The following CNTN4 variants were observed in gnomAD, a reference collection of about 807,000 sequenced individuals.
CNTN4 encodes contactin 4.
In CNTN4, 77 loss-of-function variants were observed where a neutral mutation model predicts 122.5. The observed-to-expected ratio is 0.63, with a 90% confidence interval of 0.52 to 0.76. The LOEUF (loss-of-function observed/expected upper bound fraction) is 0.76. CNTN4 is among the 30% of genes least tolerant of loss of function. CNTN4 has a pLI of 0.00. For synonymous variants in CNTN4, 512 were observed against 447.0 expected, an observed-to-expected ratio of 1.15 and a Z score of -1.83; for missense variants, 1,256 against 1,259.1, an observed-to-expected ratio of 1.00 and a Z score of 0.04.
intron 3 of CNTN4, among the ~76,000 whole-genome samples, chr3:2,344,085 C>A (rs952602524): frequency 3.6e-4 from 55 of 152,278 alleles, no homozygotes; most frequent in African/African-American, 1.2e-3. Flanking sequence ...GTCTTCCCCC[C>A]ATGGCCCAAA....
chr3:2,284,543 T>TTA (rs1235787311), intron 2 of CNTN4, among the ~76,000 whole-genome samples: 3 of 152,078 alleles, frequency 2.0e-5, no homozygotes, highest in Non-Finnish European at 4.4e-5. Context: ...AATCAAATTT[T>TTA]TATATAAAGT....
chr3:2,554,672 A>G (rs868691138), intron 3 of CNTN4, among the ~76,000 whole-genome samples: 1 of 152,312 alleles, frequency 6.6e-6, no homozygotes, highest in Middle Eastern at 3.4e-3. Flanking sequence ...TAGTATCACA[A>G]AAGCAGTCAT....
chr3:2,459,775 GC>G (rs1420499975), intron 3 of CNTN4, among the ~76,000 whole-genome samples: 1 of 152,224 alleles, frequency 6.6e-6, no homozygotes, highest in East Asian at 1.9e-4. Context: ...AGCTAAATAA[GC>G]CCAACCAATG....
intron 2 of CNTN4, among the ~76,000 whole-genome samples, chr3:2,203,376 A>G (rs1027440535): frequency 6.6e-6 from 1 of 152,158 alleles, no homozygotes; most frequent in Non-Finnish European, 1.5e-5. Context: ...ATGGGGTGCT[A>G]CTATGATGTT....
At chr3:2,859,998 C>G (rs916174282) in intron 7 of CNTN4, among the ~76,000 whole-genome samples, 3 of 152,184 alleles carry the variant, frequency 2.0e-5, no homozygotes, top group Non-Finnish European at 4.4e-5. Flanking sequence ...GCACCTTTTG[C>G]CATCTTGCTT....
At position 2,794,447 on chromosome 3, in the gene CNTN4, T is replaced by A. The variant is rs577323874; in HGVS notation, c.359-25039T>A. Among the ~76,000 whole-genome samples the A allele has an allele frequency of 1.8e-4, 27 of 152,334 alleles. 1 individual carries two copies. Among genetic ancestry groups the A allele is most frequent in the African/African-American group, 6.0e-4 (25 of 41,588 alleles). On this transcript the variant is annotated intron_variant, in intron 6 of 24. Coordinates refer to ENST00000418658, the MANE Select transcript of CNTN4 (RefSeq NM_175607.3). ...TAAATAGTAACTCCCAGTCTCTTGA[T>A]AATAAATCCCTTTTTTTGTTCATAG...
At chr3:2,298,585 AGAGAAT>A (rs1471776283) in intron 2 of CNTN4, among the ~76,000 whole-genome samples, 4 of 152,196 alleles carry the variant, frequency 2.6e-5, no homozygotes, top group African/African-American at 4.8e-5. Context: ...ACAATTTAAT[AGAGAAT>A]GAATTTCCAT....
At chr3:2,823,971 A>G (rs1481289360) in intron 7 of CNTN4, among the ~76,000 whole-genome samples, 1 of 152,124 alleles carries the variant, frequency 6.6e-6, no homozygotes, top group Non-Finnish European at 1.5e-5. Flanking sequence ...TCTCCGAGTG[A>G]TCATATGCAC....
intron 4 of CNTN4, among the ~76,000 whole-genome samples, chr3:2,607,223 A>G (rs2081294901): frequency 6.6e-6 from 1 of 152,206 alleles, no homozygotes; most frequent in African/African-American, 2.4e-5. Flanking sequence ...CATATTGCAG[A>G]GCAATTTGAA....
intron 2 of CNTN4, among the ~76,000 whole-genome samples, chr3:2,202,137 A>G (rs1172246181): frequency 6.6e-6 from 1 of 152,030 alleles, no homozygotes; most frequent in East Asian, 1.9e-4. Context: ...CCTCCCCACC[A>G]CCAAAGAATT....
intron 2 of CNTN4, among the ~76,000 whole-genome samples, chr3:2,249,554 A>C (rs1236198060): frequency 6.6e-6 from 1 of 151,940 alleles, no homozygotes; most frequent in African/African-American, 2.4e-5. Context: ...TAGCTTGTAG[A>C]GTCAAGTTTA....
rs1365753521 is a variant in CNTN4 at position 2,778,162 on chromosome 3, C to G, written c.358+32465C>G. ...CCAGGAAGCGGAGCTTGTGGTGAGC[C>G]GAGATCGCGCCACTGCACTCCAGCC... On this transcript the variant is annotated intron_variant, in intron 6 of 24. Coordinates refer to ENST00000418658, the MANE Select transcript of CNTN4 (RefSeq NM_175607.3). 6.4e-5 allele frequency among the ~76,000 whole-genome samples: 9 copies of G among 139,646 alleles called. 3 individuals are homozygous for G. The highest frequency in any genetic ancestry group is 1.4e-4 in the African/African-American group (5 of 36,448). 91.6% of individuals were successfully genotyped at this position (139,646 alleles called of 152,430 possible). A position where few individuals can be genotyped will look rare whatever the true frequency, so the allele number is the denominator to read the frequency against.
At chr3:2,393,511 T>C (rs2046522802) in intron 3 of CNTN4, among the ~76,000 whole-genome samples, 1 of 152,340 alleles carries the variant, frequency 6.6e-6, no homozygotes, top group East Asian at 1.9e-4. Context: ...TCTATTCTAC[T>C]ATACTTAGAG....
In CNTN4 at chr3:2,781,853, T is replaced by C. The variant is rs543929383; in HGVS notation, c.358+36156T>C. 5.5e-5 allele frequency among the ~76,000 whole-genome samples: 7 copies of C among 128,144 alleles called. 1 individual carries two copies. The South Asian group carries it at 7.1e-4, about 13-fold the overall frequency. The allele number at this position is 128,144 out of a possible 152,430, so 84.1% of individuals were successfully genotyped here. ...CATTCTCCTGCCTCAGCCTCCCGAGTAGCTGGGACTGCAGGCGCCCGCACC... is the reference window on the plus strand; with the variant it reads ...CATTCTCCTGCCTCAGCCTCCCGAGCAGCTGGGACTGCAGGCGCCCGCACC... On this transcript the variant is annotated intron_variant, in intron 6 of 24. Transcript: ENST00000418658.
intron 4 of CNTN4, among the ~76,000 whole-genome samples, chr3:2,679,875 A>T (rs2085075371): frequency 6.6e-6 from 1 of 152,192 alleles, no homozygotes; most frequent in Non-Finnish European, 1.5e-5. Context: ...CCAATAAATG[A>T]AGTATCCTTG....
chr3:2,222,572 A>T (rs1477839185), intron 2 of CNTN4, among the ~76,000 whole-genome samples: 1 of 152,140 alleles, frequency 6.6e-6, no homozygotes, highest in Non-Finnish European at 1.5e-5. Flanking sequence ...CATGAATTGT[A>T]TACTTTGAAG....
chr3:2,879,797 T>TA (rs1374895365), intron 8 of CNTN4, among the ~76,000 whole-genome samples: 9 of 152,166 alleles, frequency 5.9e-5, no homozygotes, highest in Non-Finnish European at 8.8e-5. Context: ...GCAAATCTGC[T>TA]AAAAACCATT....
chr3:2,321,128 G>T (rs867546551), intron 2 of CNTN4, among the ~76,000 whole-genome samples: 33 of 152,050 alleles, frequency 2.2e-4, no homozygotes, highest in African/African-American at 7.5e-4. Context: ...CTGTCCTATA[G>T]CTCTGAAGGG....
chr3:2,803,303 C>T (rs967303811), intron 6 of CNTN4, among the ~76,000 whole-genome samples: 1 of 152,174 alleles, frequency 6.6e-6, no homozygotes, highest in African/African-American at 2.4e-5. Context: ...CAGGAATTCT[C>T]ATTTAGGGAG....
Sources: gnomAD v4.1 joint callset for allele counts (sites outside exome capture counted in the v4.1 genomes callset) on GRCh38, gnomAD v4.1.1 for gene constraint, MANE v1.5 for transcripts, NCBI Gene and HGNC (gene_info 2026-07-23, HGNC 2026-07-21) for gene names.